The following KIAA1328 variants were observed in gnomAD, a reference collection of about 807,000 sequenced individuals.
The protein encoded by KIAA1328 is protein hinderin.
Under a neutral mutation model 68.1 loss-of-function variants are expected in KIAA1328, and 52 were observed. The observed-to-expected ratio is 0.76, with a 90% CI of 0.61 to 0.96. KIAA1328 has a LOEUF of 0.96. Among genes scored for constraint, KIAA1328 ranks in the 40% least tolerant of loss-of-function variants. KIAA1328 has a pLI of 0.00. For synonymous variants in KIAA1328, 232 were observed against 239.4 expected, an observed-to-expected ratio of 0.97 and a Z score of 0.28; for missense variants, 641 against 677.6, an observed-to-expected ratio of 0.95 and a Z score of 0.60.
chr18:37,177,614 C>CT lies in KIAA1328; in HGVS notation c.1523+4543dup, dbSNP rs906304755. Among the ~76,000 whole-genome samples the CT allele has an allele frequency of 4.8e-4, 71 of 147,774 alleles. 1 individual carries two copies. The highest frequency in any genetic ancestry group is 1.4e-3 in the East Asian group (7 of 5,092). On this transcript the variant is annotated intron_variant, in intron 9 of 9. Transcript: ENST00000280020. ...TAGGATGTACTGTTCACTTTTTTAG[C>CT]TTTTTTTTTTAAAGAAAGATGAGTT...
chr18:36,921,980 T>G (rs1354435828), intron 5 of KIAA1328, among the ~76,000 whole-genome samples: 1 of 151,898 alleles, frequency 6.6e-6, no homozygotes, highest in East Asian at 1.9e-4. Flanking sequence ...CAGGCCAGAG[T>G]GCAATGGCAC....
intron 9 of KIAA1328, among the ~76,000 whole-genome samples, chr18:37,178,547 AGT>A (rs1268634808): frequency 6.6e-6 from 1 of 152,176 alleles, no homozygotes; most frequent in Non-Finnish European, 1.5e-5. Context: ...GTAAACATGA[AGT>A]GTAGATATCT....
At chr18:37,088,881 G>A (rs2057184764) in intron 7 of KIAA1328, among the ~76,000 whole-genome samples, 1 of 151,966 alleles carries the variant, frequency 6.6e-6, no homozygotes, top group African/African-American at 2.4e-5. Context: ...TATTAAGAAA[G>A]TATCAGTCAT....
intron 5 of KIAA1328, among the ~76,000 whole-genome samples, chr18:36,943,132 G>A (rs889371197): frequency 3.3e-5 from 5 of 152,122 alleles, no homozygotes; most frequent in Admixed American, 6.5e-5. Context: ...TTTGTTTGGG[G>A]CATGTATATT....
At chr18:37,154,478 CT>C (rs1165652463) in intron 7 of KIAA1328, among the ~76,000 whole-genome samples, 3 of 152,192 alleles carry the variant, frequency 2.0e-5, no homozygotes, top group Non-Finnish European at 4.4e-5. Flanking sequence ...GCAGTCCATC[CT>C]TTTCCATCCT....
chr18:37,028,377 T>C (rs2054680912), intron 6 of KIAA1328, among the ~76,000 whole-genome samples: 1 of 152,206 alleles, frequency 6.6e-6, no homozygotes, highest in Non-Finnish European at 1.5e-5. Flanking sequence ...TTATTCTATA[T>C]TGAATTTGTA....
chr18:37,203,622 G>A (rs1270356630), intron 9 of KIAA1328, among the ~76,000 whole-genome samples: 1 of 152,176 alleles, frequency 6.6e-6, no homozygotes, highest in East Asian at 1.9e-4. Flanking sequence ...CAGGTACAGA[G>A]CCCAAGACAA....
intron 6 of KIAA1328, among the ~76,000 whole-genome samples, chr18:37,049,796 T>G (rs548465313): frequency 6.6e-6 from 1 of 152,318 alleles, no homozygotes; most frequent in South Asian, 2.1e-4. Flanking sequence ...CTGTCTTATT[T>G]GTCTACAAAT....
intron 5 of KIAA1328, among the ~76,000 whole-genome samples, chr18:36,950,711 C>T (rs1253140989): frequency 6.6e-6 from 1 of 152,088 alleles, no homozygotes; most frequent in African/African-American, 2.4e-5. Flanking sequence ...GGCTTGTAGG[C>T]ATTCAGAGTA....
intron 6 of KIAA1328, among the ~76,000 whole-genome samples, chr18:37,023,141 C>T (rs2151538038): frequency 6.6e-6 from 1 of 152,334 alleles, no homozygotes; most frequent in East Asian, 1.9e-4. Flanking sequence ...AGTGATCCTC[C>T]TGCCTTGGCC....
chr18:36,892,526 T>C (rs1403600043), intron 5 of KIAA1328, among the ~76,000 whole-genome samples: 2 of 152,154 alleles, frequency 1.3e-5, no homozygotes, highest in African/African-American at 4.8e-5. Context: ...AATTGAATTA[T>C]TTAGTGAAAG....
At chr18:36,926,330 G>A (rs1366101601) in intron 5 of KIAA1328, among the ~76,000 whole-genome samples, 2 of 152,022 alleles carry the variant, frequency 1.3e-5, no homozygotes, top group African/African-American at 4.8e-5. Flanking sequence ...ATGGGAAAGA[G>A]GAAAACTGGT....
intron 9 of KIAA1328, among the ~76,000 whole-genome samples, chr18:37,178,086 C>T (rs1200500251): frequency 6.6e-6 from 1 of 151,758 alleles, no homozygotes; most frequent in Non-Finnish European, 1.5e-5. Context: ...ACTTTTGCAC[C>T]AACCTAATAA....
intron 5 of KIAA1328, among the ~76,000 whole-genome samples, chr18:36,910,937 C>T (rs534934126): frequency 6.6e-6 from 1 of 152,068 alleles, no homozygotes; most frequent in South Asian, 2.1e-4. Flanking sequence ...GAAACTAATC[C>T]ACCTCCTAGC....
At chr18:36,991,378 G>C (rs555059740) in intron 6 of KIAA1328, among the ~76,000 whole-genome samples, 9 of 152,100 alleles carry the variant, frequency 5.9e-5, no homozygotes, top group South Asian at 2.1e-4. Flanking sequence ...CTTTCCATGT[G>C]CCAAAAAACT....
At chr18:36,897,930 T>C (rs1436523911) in intron 5 of KIAA1328, among the ~76,000 whole-genome samples, 1 of 152,132 alleles carries the variant, frequency 6.6e-6, no homozygotes, top group African/African-American at 2.4e-5. Context: ...GCCCTATTGG[T>C]AAATCTTTAG....
At chr18:36,849,814 T>C (rs987719428) in intron 4 of KIAA1328, among the ~76,000 whole-genome samples, 1 of 152,090 alleles carries the variant, frequency 6.6e-6, no homozygotes, top group African/African-American at 2.4e-5. Flanking sequence ...AGCCAAACCA[T>C]CTTACATTCC....
intron 9 of KIAA1328, among the ~76,000 whole-genome samples, chr18:37,213,026 C>CA (rs2060348209): frequency 6.6e-6 from 1 of 152,202 alleles, no homozygotes; most frequent in African/African-American, 2.4e-5. Context: ...CTGCATGAGC[C>CA]ACTGTGCCCA....
At chr18:36,999,220 A>G (rs1598933052) in intron 6 of KIAA1328, among the ~76,000 whole-genome samples, 1 of 152,324 alleles carries the variant, frequency 6.6e-6, no homozygotes, top group East Asian at 1.9e-4. Flanking sequence ...GAAATAATCT[A>G]GTCAGATAAA....
Sources: gnomAD v4.1 joint callset for allele counts (sites outside exome capture counted in the v4.1 genomes callset) on GRCh38, gnomAD v4.1.1 for gene constraint, MANE v1.5 for transcripts, NCBI Gene and HGNC (gene_info 2026-07-23, HGNC 2026-07-21) for gene names.